Variants in TTC39B observed in about 807,000 individuals in gnomAD.
TTC39B encodes tetratricopeptide repeat domain 39B.
TTC39B carries 92 observed loss-of-function variants against 96.6 expected under a neutral mutation model. The observed-to-expected ratio is 0.95, with a 90% CI of 0.80 to 1.13. TTC39B has a LOEUF of 1.13. Ranked by LOEUF, TTC39B falls within the 50% of genes most tolerant of loss-of-function variation. The probability of loss-of-function intolerance (pLI) is 0.00; values close to 1 mark genes in which losing one functional copy is unlikely to be tolerated. For synonymous variants in TTC39B, 367 were observed against 299.4 expected, an observed-to-expected ratio of 1.23 and a Z score of -2.33; for missense variants, 955 against 809.3, an observed-to-expected ratio of 1.18 and a Z score of -2.18.
chr9:15,168,571 T>C (rs2800585), exon 20 of TTC39B: 121,294 of 152,022 alleles, frequency 0.8, 48,847 homozygotes, highest in East Asian at 0.96. Context: ...CAGACTAGAC[T>C]CACTTTAAAA....
intron 2 of TTC39B, among the ~76,000 whole-genome samples, chr9:15,247,362 G>A (rs762943956): frequency 4.6e-5 from 7 of 152,192 alleles, no homozygotes; most frequent in African/African-American, 9.6e-5. Context: ...CAGTCATTCA[G>A]AAAGGAAATG....
chr9:15,246,273 T>C (rs187332685), intron 2 of TTC39B, among the ~76,000 whole-genome samples: 15 of 152,076 alleles, frequency 9.9e-5, no homozygotes, highest in Middle Eastern at 3.4e-3. Flanking sequence ...AATAAATAAA[T>C]AAATAAATCA....
At chr9:15,179,417 C>T (rs1818130177) in intron 17 of TTC39B, among the ~76,000 whole-genome samples, 1 of 152,218 alleles carries the variant, frequency 6.6e-6, no homozygotes, top group African/African-American at 2.4e-5. Flanking sequence ...AACAATGCTA[C>T]TTAACCAACC....
In TTC39B at chr9:15,281,650, AT is replaced by A. The variant is rs1444015792; in HGVS notation, c.241-13703del. On this transcript the variant is annotated intron_variant, in intron 1 of 19. Transcript: ENST00000512701. ...CAAAAAAAAAAAAAAAAAAAAAAAA[AT>A]GGCAAAAAGCTAAATGCCTCTTCTG... Among the ~76,000 whole-genome samples the A allele has an allele frequency of 2.7e-3, 354 of 129,538 alleles. 16 individuals carry two copies. The highest frequency in any genetic ancestry group is 0.011 in the African/African-American group (327 of 29,862). 85.0% of individuals were successfully genotyped at this position (129,538 alleles called of 152,430 possible). A position where few individuals can be genotyped will look rare whatever the true frequency, so the allele number is the denominator to read the frequency against.
intron 17 of TTC39B, among the ~76,000 whole-genome samples, chr9:15,182,025 T>C (rs1160120614): frequency 6.6e-6 from 1 of 152,222 alleles, no homozygotes; most frequent in African/African-American, 2.4e-5. Context: ...TCTTTATAGA[T>C]TTCCCTATTC....
intron 13 of TTC39B, among the ~76,000 whole-genome samples, chr9:15,188,732 AT>A (rs5896667): frequency 0.38 from 58,067 of 151,944 alleles, 12,350 homozygotes; most frequent in East Asian, 0.66. Flanking sequence ...TTGGAAAAAA[AT>A]ATTTTTATAT....
chr9:15,186,859 C>G (rs1489754634), intron 15 of TTC39B, 85 bp downstream of exon 15: 1 of 1,253,194 alleles, frequency 8.0e-7, no homozygotes, highest in East Asian at 2.4e-5. Context: ...CCAGGCCCAG[C>G]TAATTTTTTG....
In TTC39B at chr9:15,248,722, GC is replaced by G. The variant is rs1167195200; in HGVS notation, c.275+19191del. 2.0e-5 allele frequency among the ~76,000 whole-genome samples: 3 copies of G among 152,144 alleles called. No individual in the cohort carries two copies. In the East Asian group the frequency reaches 5.8e-4, roughly 29 times the overall value. ...ATCCTTCCTAATTAAATTCAAAGTT[GC>G]TGCATTTAGGTATGACAAAATGTTT... On this transcript the variant is annotated intron_variant, in intron 2 of 19. Coordinates refer to ENST00000512701, the Ensembl canonical transcript of TTC39B.
chr9:15,196,520 G>A (rs1456642142), intron 8 of TTC39B, among the ~76,000 whole-genome samples: 1 of 152,222 alleles, frequency 6.6e-6, no homozygotes, highest in East Asian at 1.9e-4. Context: ...AGTAACTACA[G>A]AGGTGTTAGA....
At chr9:15,173,930 C>T (rs2118443705) in intron 19 of TTC39B, among the ~76,000 whole-genome samples, 1 of 152,280 alleles carries the variant, frequency 6.6e-6, no homozygotes, top group South Asian at 2.1e-4. Flanking sequence ...CAGAAAGCAT[C>T]ATCATTGACC....
In TTC39B at chr9:15,198,576, A is replaced by G. The variant is rs115103499; in HGVS notation, c.824+1285T>C. 9.0e-3 allele frequency among the ~76,000 whole-genome samples: 1,365 copies of G among 151,504 alleles called. 17 individuals carry two copies. Among genetic ancestry groups the G allele is most frequent in the African/African-American group, 0.031 (1,290 of 41,380 alleles). ...GTGCTACAATATTAACTCTAAGTTG[A>G]CTGTAATAACTTAAAAACAATATTA... On this transcript the variant is annotated intron_variant, in intron 8 of 19. Coordinates refer to ENST00000512701, the Ensembl canonical transcript of TTC39B.
At chr9:15,279,859 C>G (rs1415261913) in intron 1 of TTC39B, among the ~76,000 whole-genome samples, 1 of 127,114 alleles carries the variant, frequency 7.9e-6, no homozygotes, top group Non-Finnish European at 1.8e-5. Context: ...GCTGCCTTTT[C>G]TTTTTTTGTA....
intron 1 of TTC39B, among the ~76,000 whole-genome samples, chr9:15,302,678 T>C (rs1824638292): frequency 6.6e-6 from 1 of 150,744 alleles, no homozygotes; most frequent in Non-Finnish European, 1.5e-5. Flanking sequence ...ACTCTGTTTC[T>C]ACTAAAAATA....
intron 17 of TTC39B, among the ~76,000 whole-genome samples, chr9:15,180,627 G>A (rs1450849129): frequency 6.6e-6 from 1 of 152,138 alleles, no homozygotes. Context: ...GGTGGAAGAT[G>A]ATGTAACCTC....
At chr9:15,240,091 G>A (rs573945479) in intron 2 of TTC39B, among the ~76,000 whole-genome samples, 8 of 152,110 alleles carry the variant, frequency 5.3e-5, no homozygotes, top group Non-Finnish European at 1.2e-4. Context: ...TCTCATGGCC[G>A]ATGATCAGAG....
chr9:15,292,611 G>A (rs1353307246), intron 1 of TTC39B, among the ~76,000 whole-genome samples: 2 of 152,166 alleles, frequency 1.3e-5, no homozygotes, highest in Non-Finnish European at 2.9e-5. Flanking sequence ...GTTGTCATAG[G>A]AGATGACAGC....
At chr9:15,287,287 G>C (rs867208189) in intron 1 of TTC39B, among the ~76,000 whole-genome samples, 1 of 152,188 alleles carries the variant, frequency 6.6e-6, no homozygotes, top group African/African-American at 2.4e-5. Context: ...GAGAGGGAGA[G>C]AAATCTATAG....
intron 1 of TTC39B, among the ~76,000 whole-genome samples, chr9:15,273,598 T>C (rs1823433895): frequency 6.6e-6 from 1 of 152,144 alleles, no homozygotes. Flanking sequence ...ACCACCGCAC[T>C]TTAGCAAAGA....
At chr9:15,215,425 C>T (rs912912295) in intron 3 of TTC39B, among the ~76,000 whole-genome samples, 2 of 148,884 alleles carry the variant, frequency 1.3e-5, no homozygotes, top group African/African-American at 5.0e-5. Flanking sequence ...GGTGTGGTGG[C>T]ACATGCCTGT....
Sources: allele counts gnomAD v4.1 joint callset (sites outside exome capture counted in the v4.1 genomes callset), GRCh38; gene constraint gnomAD v4.1.1; transcripts MANE v1.5; gene names NCBI Gene and HGNC (gene_info 2026-07-23, HGNC 2026-07-21).